Variants in LRCH3 observed in about 807,000 individuals in gnomAD.
LRCH3 encodes the protein DISP complex protein LRCH3.
Under a neutral mutation model 104.5 loss-of-function variants are expected in LRCH3, and 68 were observed. The observed-to-expected ratio is 0.65, with a 90% CI of 0.54 to 0.80. The LOEUF (loss-of-function observed/expected upper bound fraction) is 0.80, where lower values mean the gene tolerates loss of function less well. Ranked by LOEUF, LRCH3 falls within the 30% of genes least tolerant of loss-of-function variation. The pLI, the probability that LRCH3 is intolerant of heterozygous loss-of-function variation, is 0.00. For synonymous variants in LRCH3, 344 were observed against 361.3 expected (o/e 0.95, Z 0.54); for missense variants, 951 against 953.9 (o/e 1.00, Z 0.04).
intron 19 of LRCH3, 71 bp from the exon 20 acceptor site, chr3:197,875,627 C>T (rs1192997043): frequency 5.9e-6 from 7 of 1,189,932 alleles, no homozygotes; most frequent in Non-Finnish European, 8.4e-6. Context: ...GCACTCCAGC[C>T]TGGGTGGCAG....
intron 17 of LRCH3, among the ~76,000 whole-genome samples, chr3:197,866,693 G>A (rs1330398551): frequency 6.6e-6 from 1 of 152,174 alleles, no homozygotes; most frequent in Non-Finnish European, 1.5e-5. Flanking sequence ...GGTGGTGTGT[G>A]CCTGTGGTCC....
chr3:197,881,953 C>CT, intron 20 of LRCH3: 1 of 985,422 alleles, frequency 1.0e-6, no homozygotes, highest in Non-Finnish European at 1.2e-6. Context: ...CTGAAACACT[C>CT]AACACTGTGA....
At chr3:197,871,667 T>C (rs376061849) in intron 19 of LRCH3, 9 of 566,626 alleles carry the variant, frequency 1.6e-5, no homozygotes, top group South Asian at 3.3e-5. Context: ...AAGAAAGGCA[T>C]GTACAGTGTG....
rs76771285 is a variant in LRCH3 at position 197,855,601 on chromosome 3, T to C, written c.1644+1156T>C. On this transcript the variant is annotated intron_variant, in intron 14 of 20. Transcript: ENST00000425562. ...ATGGGAGAACCTGCATTAAACACCA[T>C]ACTGAAACTGAAAACCGTTTAGGAA... Among the ~76,000 whole-genome samples the C allele has an allele frequency of 3.3e-3, 496 of 152,290 alleles. 5 individuals are homozygous for C. Among genetic ancestry groups the C allele is most frequent in the African/African-American group, 0.011 (461 of 41,550 alleles).
chr3:197,851,941 C>T (rs143197977), intron 12 of LRCH3, among the ~76,000 whole-genome samples: 91 of 152,296 alleles, frequency 6.0e-4, no homozygotes, highest in African/African-American at 2.0e-3. Context: ...ATGCTGCTGA[C>T]GAACTTGGAG....
At position 197,872,140 on chromosome 3, in the gene LRCH3, T is replaced by G. The variant is rs139754548; in HGVS notation, c.2130+678T>G. 3.2e-3 allele frequency among the ~76,000 whole-genome samples: 488 copies of G among 152,246 alleles called. 2 individuals are homozygous for G. Among genetic ancestry groups the G allele is most frequent in the Non-Finnish European group, 5.0e-3 (341 of 68,004 alleles). On this transcript the variant is annotated intron_variant, in intron 19 of 20. Coordinates refer to ENST00000425562, the MANE Select transcript of LRCH3 (RefSeq NM_001365715.1). ...TGGGAGGCCGAGGCAGACGATTGCT[T>G]GAGCCCAGGAGTTTGAGACCAGCCA...
intron 15 of LRCH3, 40 bp downstream of exon 15, chr3:197,858,945 G>A: frequency 6.6e-7 from 1 of 1,513,882 alleles, no homozygotes; most frequent in Non-Finnish European, 9.2e-7. Context: ...AGTTTGGGGA[G>A]GAGGTGGATA....
intron 10 of LRCH3, among the ~76,000 whole-genome samples, chr3:197,846,581 C>T (rs934312086): frequency 6.0e-5 from 9 of 150,004 alleles, no homozygotes; most frequent in South Asian, 2.1e-4. Context: ...GACAGCTGGG[C>T]GTGATGGCTG....
At chr3:197,867,333 T>C (rs1464137597) in intron 17 of LRCH3, among the ~76,000 whole-genome samples, 1 of 149,684 alleles carries the variant, frequency 6.7e-6, no homozygotes, top group South Asian at 2.2e-4. Flanking sequence ...GCAGAGTCGC[T>C]TGAACCCAGG....
chr3:197,880,210 G>A (rs1001713582), intron 20 of LRCH3, among the ~76,000 whole-genome samples: 2 of 152,084 alleles, frequency 1.3e-5, no homozygotes, highest in Non-Finnish European at 2.9e-5. Context: ...CTCCCAAAGT[G>A]CTGGGATTAC....
intron 5 of LRCH3, among the ~76,000 whole-genome samples, chr3:197,828,519 G>C (rs1580684769): frequency 6.6e-6 from 1 of 151,412 alleles, no homozygotes; most frequent in African/African-American, 2.4e-5. Flanking sequence ...CTAATTTTTT[G>C]TATTTTTAGT....
chr3:197,825,523 A>G (rs577411971), intron 4 of LRCH3, among the ~76,000 whole-genome samples: 215 of 106,276 alleles, frequency 2.0e-3, no homozygotes, highest in African/African-American at 7.6e-3. Flanking sequence ...TCTGTCTCCC[A>G]GGCTGGAGTG....
chr3:197,812,531 A>T (rs866310622), intron 1 of LRCH3, among the ~76,000 whole-genome samples: 245 of 3,406 alleles, frequency 0.072, no homozygotes, highest in Non-Finnish European at 0.085. Context: ...TTTTTTTTTT[A>T]GGTGGAGTCT....
chr3:197,807,411 CG>C (rs1732631042), intron 1 of LRCH3, among the ~76,000 whole-genome samples: 1 of 151,926 alleles, frequency 6.6e-6, no homozygotes, highest in Non-Finnish European at 1.5e-5. Flanking sequence ...TTAGTAGAGA[CG>C]GGGTTTCACC....
intron 1 of LRCH3, among the ~76,000 whole-genome samples, chr3:197,806,601 G>A (rs1481744756): frequency 4.6e-5 from 7 of 151,884 alleles, no homozygotes; most frequent in East Asian, 2.0e-4. Flanking sequence ...TAGGAATGCC[G>A]GACATGGTGG....
chr3:197,817,333 T>TGTGTGTGTATTTTGTGTGTGTGTGTGC, intron 3 of LRCH3, 31 bp downstream of exon 3: 3 of 509,916 alleles, frequency 5.9e-6, no homozygotes, highest in African/African-American at 2.8e-5. Context: ...GTCCAACATG[T>TGTGTGTGTATTTTGTGTGTGTGTGTGC]GTGTGTGTGT....
At chr3:197,831,123 G>A (rs543204309) in intron 7 of LRCH3, 1 of 339,306 alleles carries the variant, frequency 2.9e-6, no homozygotes, top group East Asian at 6.4e-5. Flanking sequence ...CAGGAGCTGA[G>A]CCAGTTGAAA....
chr3:197,832,330 C>G lies in LRCH3; in HGVS notation c.1102+13C>G. On this transcript the variant is annotated intron_variant, in intron 8 of 20. Coordinates refer to ENST00000425562, the MANE Select transcript of LRCH3 (RefSeq NM_001365715.1). ...ACAAACGGCGGAGGTAAACATAATT[C>G]CGGTGACAGCTAAAGTGTTTGCAAC... 7 of 1,611,948 alleles carry G rather than the reference C, an allele frequency of 4.3e-6. No individual in the cohort carries two copies. The highest frequency in any genetic ancestry group is 5.1e-6 in the Non-Finnish European group (6 of 1,178,710).
chr3:197,793,012 C>T (rs1730797441), intron 1 of LRCH3, among the ~76,000 whole-genome samples: 1 of 152,180 alleles, frequency 6.6e-6, no homozygotes. Flanking sequence ...TGGTCTCCAA[C>T]TCCTGGGCTC....
Sources: allele counts gnomAD v4.1 joint callset (sites outside exome capture counted in the v4.1 genomes callset), GRCh38; gene constraint gnomAD v4.1.1; transcripts MANE v1.5; gene names NCBI Gene and HGNC (gene_info 2026-07-23, HGNC 2026-07-21).